SRRM2: variants seen among roughly 807,000 people sequenced by gnomAD.
SRRM2 encodes the protein serine/arginine repetitive matrix 2.
A neutral mutation model predicts 213.8 loss-of-function variants in SRRM2; 30 were observed. That is an observed-to-expected ratio of 0.14 (90% confidence interval 0.10 to 0.19). The LOEUF (loss-of-function observed/expected upper bound fraction) is 0.19. SRRM2 is among the 10% of genes least tolerant of loss of function. The probability of loss-of-function intolerance (pLI) is 1.00; values close to 1 mark genes in which losing one functional copy is unlikely to be tolerated. For synonymous variants in SRRM2, 2,025 were observed against 1,377.7 expected (o/e 1.47, Z -10.40); for missense variants, 4,904 against 3,647.0 (o/e 1.34, Z -8.88).
intron 11 of SRRM2, 137 bp downstream of exon 11, chr16:2,768,398 T>A: frequency 1.0e-6 from 1 of 957,652 alleles, no homozygotes; most frequent in African/African-American, 1.7e-5. Context: ...AAGCTGGGGG[T>A]AGAAGAGAAT....
At position 2,767,429 on chromosome 16, in the gene SRRM2, A is replaced by C; in HGVS notation, c.6901A>C (p.Arg2301=). Residue 2301 remains arginine (R), a synonymous_variant, in exon 11 of 15, where the codon AGA becomes CGA. Coordinates refer to ENST00000301740, the MANE Select transcript of SRRM2 (RefSeq NM_016333.4). ...CCCAGCTGTGAACCTAGCAGGGGCC[A>C]GAACCCCAGCTGCCTTGGCAGCTCT... ...TAPAVNLAGA[R]TPAALAALSL... The C allele has an allele frequency of 6.2e-7, 1 of 1,614,106 alleles. No individual in the cohort carries two copies. Among genetic ancestry groups the C allele is most frequent in the Non-Finnish European group, 8.5e-7 (1 of 1,180,008 alleles).
chr16:2,761,602 C>G lies in SRRM2; in HGVS notation c.1074C>G (p.Ser358Arg), dbSNP rs2068351243. Residue 358 changes from serine to arginine, a missense_variant, in exon 11 of 15, where the codon AGC (serine) becomes AGG (arginine). By Grantham distance (110) the Ser-to-Arg change is moderately radical. Coordinates refer to ENST00000301740, the MANE Select transcript of SRRM2 (RefSeq NM_016333.4). The part of the protein sequence containing the change: ...TRPSPSPERS[S>R]TGPEPPAPTP... ...CTAGCCCCTCTCCGGAAAGGAGCAG[C>G]ACAGGCCCAGAACCACCTGCTCCCA... The G allele has an allele frequency of 1.3e-6, 2 of 1,539,570 alleles. No homozygotes were observed. Among genetic ancestry groups the G allele is most frequent in the Non-Finnish European group, 1.7e-6 (2 of 1,148,506 alleles).
At chr16:2,761,419 T>C (rs925012825) in intron 10 of SRRM2, 142 bp from the exon 11 acceptor site, 5 of 602,498 alleles carry the variant, frequency 8.3e-6, no homozygotes, top group Middle Eastern at 5.7e-4. Flanking sequence ...TATGATTCCT[T>C]GTTATTGAAT....
intron 11 of SRRM2, chr16:2,768,462 G>A (rs758234583): frequency 1.5e-6 from 1 of 674,492 alleles, no homozygotes; most frequent in African/African-American, 1.8e-5. Context: ...GTCTCCGAAG[G>A]TTCATTCTCT....
At position 2,770,424 on chromosome 16, in the gene SRRM2, T is replaced by C. The variant is rs2068700775; in HGVS notation, c.8094T>C (p.Arg2698=). The part of the protein sequence containing the change: ...SRSLSYSPVE[R]RRPSPQPSPR... ...CCCTCAGCTACTCGCCTGTGGAGCG[T>C]CGCCGTCCCTCGCCCCAGCCCTCAC... Residue 2698 remains arginine (R), a synonymous_variant, in exon 13 of 15, where the codon CGT becomes CGC. Coordinates refer to ENST00000301740, the MANE Select transcript of SRRM2 (RefSeq NM_016333.4). The C allele has an allele frequency of 6.2e-7, 1 of 1,610,436 alleles. No individual in the cohort carries two copies. Among genetic ancestry groups the C allele is most frequent in the African/African-American group, 1.3e-5 (1 of 74,848 alleles).
chr16:2,769,972 G>A (rs972292564), intron 12 of SRRM2: 23 of 458,498 alleles, frequency 5.0e-5, no homozygotes, highest in Admixed American at 8.1e-5. Flanking sequence ...GCAAGACTCC[G>A]CTCAAAACAG....
rs1326169264 is a variant in SRRM2 at position 2,752,675 on chromosome 16, G to A, written c.-203G>A. 7.0e-6 allele frequency: 2 copies of A among 287,516 alleles called. No individual in the cohort carries two copies. Among genetic ancestry groups the A allele is most frequent in the Non-Finnish European group, 1.4e-5 (2 of 145,370 alleles). 17.8% of individuals were successfully genotyped at this position (287,516 alleles called of 1,614,324 possible). ...AGCGCGGCCCAGGCGGGGTGCGAGT[G>A]GCGCAGTTGGAGCCCGTTGCGGCCC... is the stretch of plus-strand genomic sequence containing the variant. On this transcript the variant is annotated 5_prime_UTR_variant, in exon 1 of 15. Coordinates refer to ENST00000301740, the MANE Select transcript of SRRM2 (RefSeq NM_016333.4).
In SRRM2 at chr16:2,770,947, A is replaced by G; in HGVS notation, c.*80A>G. On this transcript the variant is annotated 3_prime_UTR_variant, in exon 15 of 15. Coordinates refer to ENST00000301740, the MANE Select transcript of SRRM2 (RefSeq NM_016333.4). Reference sequence around the variant, plus strand: ...CCTTCTTCCCCAGCAGAGCCGTGGGAGGGTCCTTGTCTGCTCTCCTTTGAA... The same window carrying G: ...CCTTCTTCCCCAGCAGAGCCGTGGGGGGGTCCTTGTCTGCTCTCCTTTGAA... The G allele has an allele frequency of 6.3e-7, 1 of 1,585,138 alleles. No individual in the cohort carries two copies. The highest frequency in any genetic ancestry group is 8.6e-7 in the Non-Finnish European group (1 of 1,159,210).
intron 10 of SRRM2, among the ~76,000 whole-genome samples, 166 bp from the exon 11 acceptor site, chr16:2,761,395 A>T (rs1410397307): frequency 6.6e-6 from 1 of 152,150 alleles, no homozygotes; most frequent in East Asian, 1.9e-4. Context: ...ATATGTTTTC[A>T]CCACTGTGCT....
Position 2,766,052 on chromosome 16 carries a change from T to G in SRRM2, c.5524T>G (p.Ser1842Ala), listed in dbSNP as rs760635896. ...CTCCTCTCGACGCCGAAGAGGCCGC[T>G]CTCGGACACCCCCAACCAGTCGGAA... ...RTSSRRRRGR[S>A]RTPPTSRKRS... is the part of the protein sequence containing the mutation. Residue 1842 changes from serine to alanine, a missense_variant, in exon 11 of 15, where the codon TCT becomes GCT. By Grantham distance (99) the Ser-to-Ala change is moderately conservative. Transcript: ENST00000301740. This position sits in a 1 kb window ranked among gnomAD's most constrained non-coding sequence, Gnocchi z 7.0. 3 of 1,614,046 alleles carry G rather than the reference T, an allele frequency of 1.9e-6. No individual in the cohort carries two copies. The highest frequency in any genetic ancestry group is 3.3e-5 in the Admixed American group (2 of 60,008).
At chr16:2,755,955 A>G (rs1232503964) in intron 1 of SRRM2, among the ~76,000 whole-genome samples, 1 of 152,192 alleles carries the variant, frequency 6.6e-6, no homozygotes, top group African/African-American at 2.4e-5. Context: ...TGGTAAACAC[A>G]CCACTTGTGC....
rs1596300123 is a variant in SRRM2 at position 2,771,145 on chromosome 16, C to T, written c.*278C>T. ...GGGGAGGATACAGTTCAGGATACCC[C>T]AGCCTGGAGTCAGGGCCAGGGAGGC... On this transcript the variant is annotated 3_prime_UTR_variant, in exon 15 of 15. Coordinates refer to ENST00000301740, the MANE Select transcript of SRRM2 (RefSeq NM_016333.4). 1.6e-6 allele frequency: 1 copy of T among 622,648 alleles called. No homozygotes were observed. Among genetic ancestry groups the T allele is most frequent in the East Asian group, 2.7e-5 (1 of 36,394 alleles). 38.6% of individuals were successfully genotyped at this position (622,648 alleles called of 1,614,324 possible). A position where few individuals can be genotyped will look rare whatever the true frequency, so the allele number is the denominator to read the frequency against.
At position 2,768,971 on chromosome 16, in the gene SRRM2, C is replaced by T. The variant is rs368652826; in HGVS notation, c.7734-26C>T. On this transcript the variant is annotated intron_variant, in intron 11 of 14. Coordinates refer to ENST00000301740, the MANE Select transcript of SRRM2 (RefSeq NM_016333.4). Reference sequence around the variant, plus strand: ...GGTTGGGGCTGGGGCAGCTTGTCTCCTTGTGACACTCCTCTCCTCCCACAG... The same window carrying T: ...GGTTGGGGCTGGGGCAGCTTGTCTCTTTGTGACACTCCTCTCCTCCCACAG... 7 of 1,610,534 alleles carry T rather than the reference C, an allele frequency of 4.3e-6. No homozygotes were observed. The African/African-American group carries it at 9.4e-5, about 22-fold the overall frequency.
Position 2,767,132 on chromosome 16 carries a change from G to A in SRRM2, c.6604G>A (p.Ala2202Thr). ...TARPPPSMSA[A>T]GLAARMSQVP... ...TCGGCCTCCTCCGTCCATGTCTGCT[G>A]CTGGCCTTGCTGCAAGAATGTCCCA... is the stretch of plus-strand genomic sequence containing the variant. Residue 2202 changes from alanine (A) to threonine (T), a missense_variant, in exon 11 of 15, where the codon GCT becomes ACT. Transcript: ENST00000301740. 1 of 1,614,174 alleles carries A rather than the reference G, an allele frequency of 6.2e-7. No homozygotes were observed. Among genetic ancestry groups the A allele is most frequent in the Non-Finnish European group, 8.5e-7 (1 of 1,180,028 alleles).
In SRRM2 at chr16:2,763,271, C is replaced by T. The variant is rs755154251; in HGVS notation, c.2743C>T (p.Pro915Ser). The T allele has an allele frequency of 1.8e-5, 29 of 1,614,048 alleles. No homozygotes were observed. In the East Asian group the frequency reaches 6.5e-4, roughly 36 times the overall value. Residue 915 changes from proline to serine, a missense_variant, in exon 11 of 15, where the codon CCA becomes TCA. By Grantham distance (74) the Pro-to-Ser change is moderately conservative. Transcript: ENST00000301740. ...PRQSPSRSSSPQPKVKAIISP... is the reference protein window; with the variant it reads ...PRQSPSRSSSSQPKVKAIISP... Reference sequence around the variant, plus strand: ...ACAGAGCCCATCTAGGTCATCATCTCCACAACCCAAAGTGAAGGCAATAAT... The same window carrying T: ...ACAGAGCCCATCTAGGTCATCATCTTCACAACCCAAAGTGAAGGCAATAAT...
chr16:2,762,484 A>C lies in SRRM2; in HGVS notation c.1956A>C (p.Pro652=), dbSNP rs753075557. ...RRSGRSRSRT[P]ARRGRSRSRT... ...GTGGCAGGTCACGCTCTAGAACCCC[A>C]GCTAGACGTGGCCGCTCACGCTCCA... The change falls in exon 11 of 15, where the codon CCA becomes CCC. Residue 652 remains proline, a synonymous_variant. Transcript: ENST00000301740. 1 of 1,613,420 alleles carries C rather than the reference A, an allele frequency of 6.2e-7. No homozygotes were observed. The highest frequency in any genetic ancestry group is 1.1e-5 in the South Asian group (1 of 91,012).
In SRRM2 at chr16:2,771,161, C is replaced by T. The variant is rs2068735023; in HGVS notation, c.*294C>T. ...AGGATACCCCAGCCTGGAGTCAGGGCCAGGGAGGCATGGCCCCACTTGTAT... is the reference window on the plus strand; with the variant it reads ...AGGATACCCCAGCCTGGAGTCAGGGTCAGGGAGGCATGGCCCCACTTGTAT... On this transcript the variant is annotated 3_prime_UTR_variant, in exon 15 of 15. Coordinates refer to ENST00000301740, the MANE Select transcript of SRRM2 (RefSeq NM_016333.4). 4.8e-6 allele frequency: 3 copies of T among 623,542 alleles called. No homozygotes were observed. The South Asian group carries it at 5.9e-5, about 12-fold the overall frequency. The allele number at this position is 623,542 out of a possible 1,614,324, so 38.6% of individuals were successfully genotyped here.
Position 2,762,906 on chromosome 16 carries a change from C to G in SRRM2, c.2378C>G (p.Pro793Arg). ...TGCCCTAAACAAAAGTCACAGACAC[C>G]ACCCAGGCGCAGTCGCTCTGGATCC... Reference protein sequence around the residue: ...SPCPKQKSQTPPRRSRSGSSQ... With the variant: ...SPCPKQKSQTRPRRSRSGSSQ... The change falls in exon 11 of 15, where the codon CCA becomes CGA. Residue 793 changes from proline to arginine, a missense_variant. Physicochemically the swap from Pro to Arg is moderately radical, Grantham distance 103 (BLOSUM62 -2). Transcript: ENST00000301740. 3 of 1,612,604 alleles carry G rather than the reference C, an allele frequency of 1.9e-6. No homozygotes were observed. Among genetic ancestry groups the G allele is most frequent in the Non-Finnish European group, 2.5e-6 (3 of 1,178,636 alleles).
At position 2,762,689 on chromosome 16, in the gene SRRM2, A is replaced by G. The variant is rs1318282099; in HGVS notation, c.2161A>G (p.Arg721Gly). 2.5e-6 allele frequency: 4 copies of G among 1,614,114 alleles called. No homozygotes were observed. Among genetic ancestry groups the G allele is most frequent in the African/African-American group, 1.3e-5 (1 of 74,930 alleles). The change falls in exon 11 of 15, where the codon AGA becomes GGA. Residue 721 changes from arginine (R) to glycine (G), a missense_variant. By Grantham distance (125) the Arg-to-Gly change is moderately radical (BLOSUM62 -2). Transcript: ENST00000301740. ...GRSHSRTPQRRGRSGSSSERK... is the reference protein window; with the variant it reads ...GRSHSRTPQRGGRSGSSSERK... ...ATCTCACTCTAGAACACCTCAAAGA[A>G]GAGGCAGATCTGGCTCATCTTCAGA...
Sources: allele counts gnomAD v4.1 joint callset (sites outside exome capture counted in the v4.1 genomes callset), GRCh38; gene constraint gnomAD v4.1.1; non-coding constraint Gnocchi (gnomAD v3.1); transcripts MANE v1.5; gene names NCBI Gene and HGNC (gene_info 2026-07-23, HGNC 2026-07-21).